Variants in NALF1 observed in about 807,000 individuals in gnomAD.
NALF1 encodes the protein family with sequence similarity 155 member A.
NALF1 carries 3 observed loss-of-function variants against 48.4 expected under a neutral mutation model. The observed-to-expected ratio is 0.06, with a 90% confidence interval of 0.03 to 0.16. NALF1 has a LOEUF of 0.16. Ranked by LOEUF, NALF1 falls within the 10% of genes least tolerant of loss-of-function variation. The pLI, the probability that NALF1 is intolerant of heterozygous loss-of-function variation, is 1.00. For synonymous variants in NALF1, 262 were observed against 245.7 expected, an observed-to-expected ratio of 1.07 and a Z score of -0.62; for missense variants, 526 against 571.5, an observed-to-expected ratio of 0.92 and a Z score of 0.81.
intron 1 of NALF1, among the ~76,000 whole-genome samples, chr13:107,243,464 A>T (rs1459002030): frequency 6.6e-6 from 1 of 152,110 alleles, no homozygotes; most frequent in African/African-American, 2.4e-5. Flanking sequence ...CATGCCGTTG[A>T]TGTATTTGTG....
intron 1 of NALF1, among the ~76,000 whole-genome samples, chr13:107,363,296 A>C (rs1883097505): frequency 6.6e-6 from 1 of 152,200 alleles, no homozygotes; most frequent in East Asian, 1.9e-4. Context: ...ATTTGTTCAT[A>C]ATAAAACATG....
chr13:107,764,366 A>G (rs1877363169), intron 1 of NALF1, among the ~76,000 whole-genome samples: 1 of 152,148 alleles, frequency 6.6e-6, no homozygotes, highest in South Asian at 2.1e-4. Flanking sequence ...CATAATACAT[A>G]TGTTGTATGT....
Position 107,618,649 on chromosome 13 carries a change from A to G in NALF1, c.915+247033T>C, listed in dbSNP as rs1198595477. ...TAGCTGAATTTGAGATGCAATTTGGAGGATTTGCTGGAAGACTTCATGTGT... is the reference window on the plus strand; with the variant it reads ...TAGCTGAATTTGAGATGCAATTTGGGGGATTTGCTGGAAGACTTCATGTGT... On this transcript the variant is annotated intron_variant, in intron 1 of 2. Transcript: ENST00000375915. Among the ~76,000 whole-genome samples, 6 of 152,216 alleles carry G rather than the reference A, an allele frequency of 3.9e-5. No homozygotes were observed. In the East Asian group the frequency reaches 1.2e-3, roughly 30 times the overall value.
intron 1 of NALF1, among the ~76,000 whole-genome samples, chr13:107,582,511 G>A (rs1484291604): frequency 6.6e-6 from 1 of 152,154 alleles, no homozygotes; most frequent in East Asian, 1.9e-4. Context: ...AGAAAATCAG[G>A]AAATGTCAAA....
chr13:107,185,559 C>A (rs532299598), intron 2 of NALF1, among the ~76,000 whole-genome samples: 1 of 152,074 alleles, frequency 6.6e-6, no homozygotes, highest in African/African-American at 2.4e-5. Flanking sequence ...ATGATGGGGT[C>A]TTATTTGTAC....
chr13:107,858,512 C>T (rs533053378), intron 1 of NALF1, among the ~76,000 whole-genome samples: 29 of 152,238 alleles, frequency 1.9e-4, no homozygotes, highest in Admixed American at 1.4e-3. Flanking sequence ...CATTTGGAAA[C>T]CCCATCTCTA....
At chr13:107,290,390 A>C (rs1594106563) in intron 1 of NALF1, among the ~76,000 whole-genome samples, 1 of 152,190 alleles carries the variant, frequency 6.6e-6, no homozygotes, top group East Asian at 1.9e-4. Flanking sequence ...TGTAGTTCAC[A>C]TAATTACTAT....
At chr13:107,452,305 T>C (rs1330927115) in intron 1 of NALF1, among the ~76,000 whole-genome samples, 1 of 152,196 alleles carries the variant, frequency 6.6e-6, no homozygotes, top group African/African-American at 2.4e-5. Context: ...CTAGGTAATT[T>C]ATAAAGGAAA....
chr13:107,231,194 T>C (rs1178325215), intron 1 of NALF1, among the ~76,000 whole-genome samples: 2 of 151,672 alleles, frequency 1.3e-5, no homozygotes, highest in East Asian at 1.9e-4. Context: ...TTGGCAAATA[T>C]AGGTTTTGTA....
rs577008465 is a variant in NALF1 at position 107,272,952 on chromosome 13, T to C, written c.916-62197A>G. On this transcript the variant is annotated intron_variant, in intron 1 of 2. Coordinates refer to ENST00000375915, the MANE Select transcript of NALF1 (RefSeq NM_001080396.3). ...AAGTCTTCACCAATGAGAATGTACA[T>C]GGCATTAGCATGCCTTTGATGGGGT... Among the ~76,000 whole-genome samples the C allele has an allele frequency of 2.0e-5, 3 of 152,328 alleles. No individual in the cohort carries two copies. In the East Asian group the frequency reaches 5.8e-4, roughly 29 times the overall value.
At chr13:107,270,022 G>A (rs966138108) in intron 1 of NALF1, among the ~76,000 whole-genome samples, 4 of 142,438 alleles carry the variant, frequency 2.8e-5, no homozygotes, top group African/African-American at 1.0e-4. Flanking sequence ...CGCCCGCCTC[G>A]CCCTCCCAAA....
Position 107,635,455 on chromosome 13 carries a change from C to T in NALF1, c.915+230227G>A, listed in dbSNP as rs181399464. Among the ~76,000 whole-genome samples, 937 of 67,942 alleles carry T rather than the reference C, an allele frequency of 0.014. 26 individuals carry two copies. In the East Asian group the frequency reaches 0.34, roughly 25 times the overall value. The allele number at this position is 67,942 out of a possible 152,430, so 44.6% of individuals were successfully genotyped here. A position where few individuals can be genotyped will look rare whatever the true frequency, so the allele number is the denominator to read the frequency against. ...ATAGGGGTAACCACCTCCCACTGGG[C>T]CCCTCTCATGACATGCAGGGATTAT... On this transcript the variant is annotated intron_variant, in intron 1 of 2. Transcript: ENST00000375915.
chr13:107,635,377 C>G (rs1879948426), intron 1 of NALF1, among the ~76,000 whole-genome samples: 1 of 151,896 alleles, frequency 6.6e-6, no homozygotes, highest in South Asian at 2.1e-4. Context: ...GGGGGAAACA[C>G]TCCTTAAAAA....
At chr13:107,694,060 G>A (rs546422882) in intron 1 of NALF1, among the ~76,000 whole-genome samples, 1 of 152,250 alleles carries the variant, frequency 6.6e-6, no homozygotes, top group South Asian at 2.1e-4. Flanking sequence ...GAACTCTCCA[G>A]AAAAATACTT....
intron 1 of NALF1, among the ~76,000 whole-genome samples, chr13:107,283,471 C>A (rs548314497): frequency 5.5e-4 from 84 of 151,886 alleles, no homozygotes; most frequent in Non-Finnish European, 1.1e-3. Context: ...ATTGGCAACA[C>A]AAATCGGTTA....
At chr13:107,348,462 C>G (rs1044718691) in intron 1 of NALF1, among the ~76,000 whole-genome samples, 1 of 152,072 alleles carries the variant, frequency 6.6e-6, no homozygotes, top group Admixed American at 6.6e-5. Flanking sequence ...TTCTGGGATA[C>G]ATGTGCAGAG....
intron 1 of NALF1, among the ~76,000 whole-genome samples, chr13:107,353,106 C>T (rs1882904643): frequency 6.6e-6 from 1 of 152,184 alleles, no homozygotes; most frequent in African/African-American, 2.4e-5. Flanking sequence ...CCTGATTTAC[C>T]ACTTCTCAAA....
intron 1 of NALF1, among the ~76,000 whole-genome samples, chr13:107,621,846 T>G (rs2138441163): frequency 6.6e-6 from 1 of 152,282 alleles, no homozygotes; most frequent in Non-Finnish European, 1.5e-5. Flanking sequence ...TGATGCAAGC[T>G]TAAGTCTAGA....
At chr13:107,446,799 A>G (rs141882695) in intron 1 of NALF1, among the ~76,000 whole-genome samples, 6 of 152,352 alleles carry the variant, frequency 3.9e-5, no homozygotes, top group Non-Finnish European at 8.8e-5. Context: ...TGTCCTATAT[A>G]AGAAAAAAAG....
Sources: allele counts gnomAD v4.1 joint callset (sites outside exome capture counted in the v4.1 genomes callset), GRCh38; gene constraint gnomAD v4.1.1; transcripts MANE v1.5; gene names NCBI Gene and HGNC (gene_info 2026-07-23, HGNC 2026-07-21).